The following PRKCB variants were observed in gnomAD, a reference collection of about 807,000 sequenced individuals.
PRKCB encodes protein kinase C beta, also known as protein kinase C beta type.
A neutral mutation model predicts 81.5 loss-of-function variants in PRKCB; 13 were observed. The observed-to-expected ratio is 0.16, with a 90% CI of 0.10 to 0.25. PRKCB has a LOEUF of 0.25. Among genes scored for constraint, PRKCB ranks in the 10% least tolerant of loss-of-function variants. The pLI, the probability that PRKCB is intolerant of heterozygous loss-of-function variation, is 1.00. For missense variants in PRKCB, 509 were observed against 875.7 expected, an observed-to-expected ratio of 0.58 and a Z score of 5.29; for synonymous variants, 335 against 321.4, an observed-to-expected ratio of 1.04 and a Z score of -0.45.
Position 24,088,714 on chromosome 16 carries a change from C to CAA in PRKCB, c.530-4055_530-4054dup, listed in dbSNP as rs56883594. ...ACCGCACTCCAGCGAGACCCTGTGT[C>CAA]AAAAAAAAAAAAAAAAAAAAAAATT... is the stretch of plus-strand genomic sequence containing the variant. On this transcript the variant is annotated intron_variant, in intron 5 of 16. Transcript: ENST00000643927. Among the ~76,000 whole-genome samples, 525 of 113,580 alleles carry CAA rather than the reference C, an allele frequency of 4.6e-3. 2 individuals carry two copies. Among genetic ancestry groups the CAA allele is most frequent in the Middle Eastern group, 0.019 (4 of 216 alleles). The allele number at this position is 113,580 out of a possible 152,430, so 74.5% of individuals were successfully genotyped here.
intron 10 of PRKCB, among the ~76,000 whole-genome samples, chr16:24,158,466 G>T (rs1251992700): frequency 6.6e-6 from 1 of 151,938 alleles, no homozygotes; most frequent in African/African-American, 2.4e-5. Flanking sequence ...TTGAACCCAG[G>T]CAGTCTGGCT....
At chr16:24,032,377 A>G (rs1304041661) in intron 4 of PRKCB, 130 bp downstream of exon 4, 7 of 591,824 alleles carry the variant, frequency 1.2e-5, no homozygotes, top group Admixed American at 3.1e-5. Context: ...TGTACCAGTT[A>G]TCTGTTGCTG....
chr16:24,037,664 T>C (rs1965641109), intron 5 of PRKCB, among the ~76,000 whole-genome samples: 1 of 152,150 alleles, frequency 6.6e-6, no homozygotes, highest in Admixed American at 6.5e-5. Context: ...AGGGAGTCTT[T>C]GTTCTGATGT....
At chr16:23,928,428 CA>C (rs1963926403) in intron 2 of PRKCB, among the ~76,000 whole-genome samples, 1 of 151,950 alleles carries the variant, frequency 6.6e-6, no homozygotes. Context: ...GCGCCCGGCC[CA>C]CAGACATTTA....
intron 2 of PRKCB, among the ~76,000 whole-genome samples, chr16:23,945,171 C>G (rs1026105707): frequency 6.6e-6 from 1 of 152,082 alleles, no homozygotes; most frequent in Non-Finnish European, 1.5e-5. Flanking sequence ...ATCAAAGTTC[C>G]CAGCTTTTTG....
At chr16:23,838,555 T>A (rs1459732874) in intron 2 of PRKCB, among the ~76,000 whole-genome samples, 2 of 152,246 alleles carry the variant, frequency 1.3e-5, no homozygotes, top group Non-Finnish European at 2.9e-5. Context: ...AGGGGCAAAG[T>A]GACCACCACC....
chr16:23,953,663 G>A lies in PRKCB; in HGVS notation c.206-34845G>A, dbSNP rs530832284. ...GAAGATCTTCATGGCAGGAAAGGAA[G>A]GCTGCAACAGGAGATGTAATGCGTG... On this transcript the variant is annotated intron_variant, in intron 2 of 16. Transcript: ENST00000643927. Among the ~76,000 whole-genome samples the A allele has an allele frequency of 7.9e-5, 12 of 152,304 alleles. No individual in the cohort carries two copies. In the South Asian group the frequency reaches 2.5e-3, roughly 32 times the overall value.
chr16:23,871,830 A>G (rs1962909819), intron 2 of PRKCB, among the ~76,000 whole-genome samples: 1 of 147,836 alleles, frequency 6.8e-6, no homozygotes, highest in Non-Finnish European at 1.5e-5. Context: ...TGCCCAACTC[A>G]GCCTCTCAGC....
chr16:24,082,438 T>A, intron 5 of PRKCB, among the ~76,000 whole-genome samples: 1 of 152,202 alleles, frequency 6.6e-6, no homozygotes, highest in East Asian at 1.9e-4. Context: ...GTTGGAAGAA[T>A]TACTGTACCC....
chr16:24,163,498 T>C (rs1171910015), intron 10 of PRKCB, among the ~76,000 whole-genome samples: 1 of 152,216 alleles, frequency 6.6e-6, no homozygotes, highest in African/African-American at 2.4e-5. Context: ...CCTTTGCATA[T>C]TCATTCAATA....
chr16:23,909,848 T>C (rs941450243), intron 2 of PRKCB, among the ~76,000 whole-genome samples: 1 of 152,204 alleles, frequency 6.6e-6, no homozygotes, highest in African/African-American at 2.4e-5. Flanking sequence ...TCATCCATTT[T>C]GAGTCCCTTC....
rs1206482778 is a variant in PRKCB, at chr16:24,109,380, A to T, written c.822-3593A>T. Among the ~76,000 whole-genome samples the T allele has an allele frequency of 3.5e-5, 4 of 115,538 alleles. 1 individual carries two copies. Among genetic ancestry groups the T allele is most frequent in the African/African-American group, 1.6e-4 (4 of 25,586 alleles). The allele number at this position is 115,538 out of a possible 152,430, so 75.8% of individuals were successfully genotyped here. A position where few individuals can be genotyped will look rare whatever the true frequency, so the allele number is the denominator to read the frequency against. ...CGGCTGCTAGGCGGAGGGGCTCCTC[A>T]CTTCTCAGACGGGGCGGCCGGGCAG... On this transcript the variant is annotated intron_variant, in intron 7 of 16. Transcript: ENST00000643927.
chr16:24,166,703 A>C (rs1967352621), intron 10 of PRKCB, among the ~76,000 whole-genome samples: 2 of 152,216 alleles, frequency 1.3e-5, no homozygotes, highest in Admixed American at 1.3e-4. Flanking sequence ...TATCCACAGA[A>C]ACATCTCTGG....
chr16:24,021,066 C>CCCTCCCTT (rs1965369489), intron 3 of PRKCB, among the ~76,000 whole-genome samples: 1 of 52,090 alleles, frequency 1.9e-5, no homozygotes, highest in African/African-American at 7.7e-5. Flanking sequence ...TTCCCTCCCT[C>CCCTCCCTT]CCTCCCTTCT....
intron 5 of PRKCB, among the ~76,000 whole-genome samples, chr16:24,051,365 C>T (rs866333568): frequency 3.3e-5 from 5 of 152,266 alleles, no homozygotes; most frequent in South Asian, 2.1e-4. Context: ...GTACCTGATA[C>T]CTGGTGCTTT....
At chr16:24,039,119 G>A (rs966490524) in intron 5 of PRKCB, among the ~76,000 whole-genome samples, 5 of 152,188 alleles carry the variant, frequency 3.3e-5, no homozygotes, top group South Asian at 2.1e-4. Flanking sequence ...GAAGGTGGCC[G>A]TCTGCAAGCC....
intron 1 of PRKCB, 98 bp from the exon 2 acceptor site, chr16:23,837,277 G>C: frequency 1.4e-6 from 2 of 1,480,060 alleles, no homozygotes; most frequent in East Asian, 2.3e-5. Flanking sequence ...TGCACCTGGG[G>C]TACAGAGGCA....
intron 2 of PRKCB, among the ~76,000 whole-genome samples, chr16:23,910,558 A>G (rs1353841665): frequency 6.6e-6 from 1 of 152,196 alleles, no homozygotes; most frequent in Admixed American, 6.5e-5. Flanking sequence ...ATGAACTAAC[A>G]TTATTTTGTT....
intron 2 of PRKCB, among the ~76,000 whole-genome samples, chr16:23,925,930 G>GTT (rs111232429): frequency 1.0e-4 from 15 of 145,538 alleles, no homozygotes; most frequent in African/African-American, 2.5e-4. Flanking sequence ...CTCTTTCTGA[G>GTT]TTTTTTTTTT....
Sources: gnomAD v4.1 joint callset for allele counts (sites outside exome capture counted in the v4.1 genomes callset) on GRCh38, gnomAD v4.1.1 for gene constraint, MANE v1.5 for transcripts, NCBI Gene and HGNC (gene_info 2026-07-23, HGNC 2026-07-21) for gene names.